The following DNAH8 variants were observed in gnomAD, a reference collection of about 807,000 sequenced individuals.
DNAH8 encodes the protein axonemal beta dynein heavy chain 8.
In DNAH8, 382 loss-of-function variants were observed where a neutral mutation model predicts 562.1. The observed-to-expected ratio is 0.68, with a 90% confidence interval of 0.63 to 0.74. DNAH8 has a LOEUF of 0.74. Ranked by LOEUF, DNAH8 falls within the 30% of genes least tolerant of loss-of-function variation. The probability of loss-of-function intolerance (pLI) is 0.00; values close to 1 mark genes in which losing one functional copy is unlikely to be tolerated. For missense variants in DNAH8, 5,203 were observed against 5,620.4 expected (o/e 0.93, Z 2.37); for synonymous variants, 1,881 against 1,919.4 (o/e 0.98, Z 0.52).
At position 38,760,745 on chromosome 6, in the gene DNAH8, A is replaced by G. The variant is rs546665076; in HGVS notation, c.1516-957A>G. Reference sequence around the variant, plus strand: ...ACTTCATGCAACAGCTGATTGTTTAAAAGATCCTGGCATCTCTCTCTTGCT... The same window carrying G: ...ACTTCATGCAACAGCTGATTGTTTAGAAGATCCTGGCATCTCTCTCTTGCT... On this transcript the variant is annotated intron_variant, in intron 10 of 92. Transcript: ENST00000327475. Among the ~76,000 whole-genome samples, 13 of 152,172 alleles carry G rather than the reference A, an allele frequency of 8.5e-5. No individual in the cohort carries two copies. The South Asian group carries it at 2.5e-3, about 29-fold the overall frequency.
At chr6:39,016,278 G>A (rs192902030) in intron 91 of DNAH8, among the ~76,000 whole-genome samples, 61 of 152,224 alleles carry the variant, frequency 4.0e-4, no homozygotes, top group Non-Finnish European at 5.4e-4. Flanking sequence ...TAGGCAGGGC[G>A]TGGTGGCTCA....
chr6:38,847,841 C>T (rs559927201), intron 36 of DNAH8, among the ~76,000 whole-genome samples: 53 of 152,312 alleles, frequency 3.5e-4, no homozygotes, highest in African/African-American at 1.3e-3. Context: ...GGCATCCATT[C>T]TATTTCTTGT....
At chr6:38,999,934 A>AACACACACAC (rs61608266) in intron 88 of DNAH8, among the ~76,000 whole-genome samples, 3,036 of 146,744 alleles carry the variant, frequency 0.021, 66 homozygotes, top group African/African-American at 0.049. Context: ...CACACACACA[A>AACACACACAC]ACACACACAC....
intron 11 of DNAH8, among the ~76,000 whole-genome samples, chr6:38,766,139 A>ATGTGTGTGTGTGTGCGTGTATG (rs57039279): frequency 6.6e-6 from 1 of 150,892 alleles, no homozygotes; most frequent in Admixed American, 6.6e-5. Context: ...ATGTGTTTGT[A>ATGTGTGTGTGTGTGCGTGTATG]TGTGTGTGTG....
intron 9 of DNAH8, 100 bp from the exon 10 acceptor site, chr6:38,755,872 A>T: frequency 1.4e-6 from 1 of 718,418 alleles, no homozygotes; most frequent in Middle Eastern, 3.8e-4. Flanking sequence ...TAAAAATGCT[A>T]TACTATTTTG....
At chr6:38,798,839 T>C (rs1357908249) in intron 21 of DNAH8, among the ~76,000 whole-genome samples, 1 of 152,142 alleles carries the variant, frequency 6.6e-6, no homozygotes, top group Non-Finnish European at 1.5e-5. Context: ...GGAGTCCCAG[T>C]GGTGGGAAGT....
chr6:38,995,271 G>A (rs1187511340), intron 88 of DNAH8, among the ~76,000 whole-genome samples: 1 of 151,942 alleles, frequency 6.6e-6, no homozygotes, highest in African/African-American at 2.4e-5. Context: ...AATACCACTG[G>A]GTTCGGAGGT....
intron 80 of DNAH8, among the ~76,000 whole-genome samples, chr6:38,945,956 A>G (rs1166977428): frequency 6.6e-6 from 1 of 152,212 alleles, no homozygotes; most frequent in African/African-American, 2.4e-5. Context: ...ATGTGAGTCA[A>G]ATTAAGAGGT....
chr6:38,780,802 TAACAAACA>T (rs368370882), intron 15 of DNAH8, among the ~76,000 whole-genome samples: 10 of 151,986 alleles, frequency 6.6e-5, no homozygotes, highest in African/African-American at 2.4e-4. Context: ...TTTACCTATA[TAACAAACA>T]AACAAACAAA....
intron 31 of DNAH8, among the ~76,000 whole-genome samples, chr6:38,833,707 C>G (rs768007035): frequency 1.3e-5 from 2 of 152,160 alleles, no homozygotes; most frequent in Non-Finnish European, 2.9e-5. Context: ...TCTGTGCTCA[C>G]TCTGTAAAAG....
At chr6:38,791,313 G>A (rs1360724294) in intron 20 of DNAH8, among the ~76,000 whole-genome samples, 1 of 152,138 alleles carries the variant, frequency 6.6e-6, no homozygotes, top group Non-Finnish European at 1.5e-5. Flanking sequence ...CTGGAATCAG[G>A]ATTAAAGGAG....
chr6:38,834,506 A>G (rs1232391273), intron 31 of DNAH8, 73 bp from the exon 32 acceptor site: 9 of 1,023,404 alleles, frequency 8.8e-6, no homozygotes, highest in Non-Finnish European at 1.3e-5. Context: ...AAATGGAAAT[A>G]ATAGATAAAC....
rs765209867 is a variant in DNAH8, at chr6:38,873,392, G to T, written c.7620+16G>T. 6.4e-7 allele frequency: 1 copy of T among 1,565,942 alleles called. No individual in the cohort carries two copies. The highest frequency in any genetic ancestry group is 8.6e-7 in the Non-Finnish European group (1 of 1,162,078). On this transcript the variant is annotated intron_variant, in intron 52 of 92. Coordinates refer to ENST00000327475, the MANE Select transcript of DNAH8 (RefSeq NM_001206927.2). Reference sequence around the variant, plus strand: ...TATTGTGCAAGTAAGATTTTTTTTTGTACATTTACTACTTCGATTTTGATT... The same window carrying T: ...TATTGTGCAAGTAAGATTTTTTTTTTTACATTTACTACTTCGATTTTGATT...
intron 62 of DNAH8, among the ~76,000 whole-genome samples, chr6:38,903,169 T>G (rs1294696611): frequency 6.6e-6 from 1 of 152,154 alleles, no homozygotes; most frequent in Non-Finnish European, 1.5e-5. Flanking sequence ...ATTAGTCAGT[T>G]TTTGCATTGC....
intron 82 of DNAH8, among the ~76,000 whole-genome samples, chr6:38,962,595 T>C (rs2150668302): frequency 6.6e-6 from 1 of 152,288 alleles, no homozygotes; most frequent in South Asian, 2.1e-4. Context: ...ACATAAAAGT[T>C]TTACCTCACA....
chr6:38,813,313 T>C (rs1450514944), intron 24 of DNAH8, among the ~76,000 whole-genome samples: 2 of 152,182 alleles, frequency 1.3e-5, no homozygotes, highest in East Asian at 3.8e-4. Context: ...TTTCCAATAA[T>C]ACGTTTATCT....
intron 82 of DNAH8, among the ~76,000 whole-genome samples, chr6:38,965,187 T>C (rs1465024046): frequency 1.3e-5 from 2 of 152,102 alleles, no homozygotes; most frequent in African/African-American, 4.8e-5. Context: ...GTCAGATATG[T>C]TTCAGAAATC....
intron 87 of DNAH8, 165 bp downstream of exon 87, chr6:38,984,472 A>ACG (rs1375362037): frequency 4.7e-5 from 7 of 148,874 alleles, no homozygotes; most frequent in Admixed American, 1.8e-4. Flanking sequence ...ACACACATGC[A>ACG]CACACACACA....
intron 8 of DNAH8, among the ~76,000 whole-genome samples, chr6:38,747,543 T>G (rs1000580760): frequency 6.6e-6 from 1 of 152,152 alleles, no homozygotes; most frequent in East Asian, 1.9e-4. Flanking sequence ...CATGCCACCA[T>G]ACCCAGCTAA....
Sources: allele counts gnomAD v4.1 joint callset (sites outside exome capture counted in the v4.1 genomes callset), GRCh38; gene constraint gnomAD v4.1.1; transcripts MANE v1.5; gene names NCBI Gene and HGNC (gene_info 2026-07-23, HGNC 2026-07-21).